BSN: variants seen among roughly 807,000 people sequenced by gnomAD.
BSN encodes the protein protein bassoon.
In BSN, 57 loss-of-function variants were observed where a neutral mutation model predicts 264.8. That is an observed-to-expected ratio of 0.22 (90% CI 0.17 to 0.27). The LOEUF (loss-of-function observed/expected upper bound fraction) is 0.27. Among genes scored for constraint, BSN ranks in the 10% least tolerant of loss-of-function variants. The pLI, the probability that BSN is intolerant of heterozygous loss-of-function variation, is 1.00. For synonymous variants in BSN, 2,059 were observed against 2,137.3 expected, an observed-to-expected ratio of 0.96 and a Z score of 1.01; for missense variants, 4,615 against 5,232.5, an observed-to-expected ratio of 0.88 and a Z score of 3.64.
rs1044422155 is a variant in BSN, at chr3:49,651,988, G to A, written c.2432G>A (p.Arg811Lys). The change falls in exon 5 of 12, where the codon AGG (arginine) becomes AAG (lysine). Residue 811 changes from arginine to lysine, a missense_variant. By Grantham distance (26) the Arg-to-Lys change is conservative (BLOSUM62 2). Transcript: ENST00000296452. This position sits in a 1 kb window ranked among gnomAD's most constrained non-coding sequence, Gnocchi z 5.4. ...TCAGACGACTTTGGCAGCCAATTGA[G>A]GCACGACTATGTGGAGGACAGCAGT... ...ESSDDFGSQL[R>K]HDYVEDSSEG... is the part of the protein sequence containing the mutation. The A allele has an allele frequency of 2.5e-6, 4 of 1,613,586 alleles. No individual in the cohort carries two copies. Among genetic ancestry groups the A allele is most frequent in the African/African-American group, 2.7e-5 (2 of 75,048 alleles).
intron 1 of BSN, among the ~76,000 whole-genome samples, chr3:49,614,091 G>T (rs546199964): frequency 1.6e-5 from 2 of 124,818 alleles, no homozygotes; most frequent in Non-Finnish European, 3.1e-5. Flanking sequence ...ACGGAGTCTC[G>T]CTCTGTCGCC....
chr3:49,648,247 A>G (rs1231352507), intron 3 of BSN, among the ~76,000 whole-genome samples: 1 of 152,238 alleles, frequency 6.6e-6, no homozygotes, highest in African/African-American at 2.4e-5. Flanking sequence ...TTCGCAGGCC[A>G]GAGATGGGGT....
chr3:49,649,701 A>G (rs1367268685), intron 3 of BSN, among the ~76,000 whole-genome samples: 1 of 152,202 alleles, frequency 6.6e-6, no homozygotes. Context: ...ATACTTGTAA[A>G]TGACCTGTTT....
chr3:49,566,890 G>A (rs2051756074), intron 1 of BSN, among the ~76,000 whole-genome samples: 1 of 148,040 alleles, frequency 6.8e-6, no homozygotes, highest in Admixed American at 6.8e-5. Context: ...GATGAATTTA[G>A]CATTCACTAA....
chr3:49,661,207 A>G lies in BSN; in HGVS notation c.9362A>G (p.Gln3121Arg). Residue 3121 changes from glutamine (Q) to arginine (R), a missense_variant, in exon 6 of 12, where the codon CAA becomes CGA. Gln to Arg is a conservative substitution (Grantham distance 43, BLOSUM62 1). Coordinates refer to ENST00000296452, the MANE Select transcript of BSN (RefSeq NM_003458.4). ...CGCCCCACAGGCCACTATGCAGGCC[A>G]AACACCCATGCCAACCACACAGAGC... ...AFRPTGHYAG[Q>R]TPMPTTQSTL... is the part of the protein sequence containing the mutation. 1 of 1,613,646 alleles carries G rather than the reference A, an allele frequency of 6.2e-7. No homozygotes were observed. Among genetic ancestry groups the G allele is most frequent in the Non-Finnish European group, 8.5e-7 (1 of 1,180,034 alleles).
At chr3:49,640,194 A>G (rs1420742581) in intron 2 of BSN, among the ~76,000 whole-genome samples, 4 of 152,236 alleles carry the variant, frequency 2.6e-5, no homozygotes, top group African/African-American at 9.6e-5. Flanking sequence ...GCTCTGGTTG[A>G]TGAGGAGGAG....
chr3:49,612,304 T>TTTC (rs1306874301), intron 1 of BSN, among the ~76,000 whole-genome samples: 1 of 152,114 alleles, frequency 6.6e-6, no homozygotes. Context: ...CCTGGCTAAT[T>TTTC]TTTTGTATTT....
chr3:49,628,611 A>G (rs890471089), intron 2 of BSN, among the ~76,000 whole-genome samples: 1 of 152,202 alleles, frequency 6.6e-6, no homozygotes, highest in African/African-American at 2.4e-5. Context: ...AGAGAGCAGG[A>G]GGCCTGCCCA....
intron 2 of BSN, among the ~76,000 whole-genome samples, chr3:49,629,299 T>C (rs1055632898): frequency 2.0e-5 from 3 of 152,230 alleles, no homozygotes; most frequent in African/African-American, 7.2e-5. Context: ...GTGACTTACA[T>C]GTGGGCCCGC....
intron 2 of BSN, among the ~76,000 whole-genome samples, chr3:49,629,274 C>T (rs1165870103): frequency 6.6e-6 from 1 of 152,238 alleles, no homozygotes; most frequent in Non-Finnish European, 1.5e-5. Context: ...TGCTAGTCCA[C>T]CTTTCCGTTC....
At position 49,661,777 on chromosome 3, in the gene BSN, A is replaced by G. The variant is rs1211472270; in HGVS notation, c.9932A>G (p.Asn3311Ser). The change falls in exon 6 of 12, where the codon AAT (asparagine) becomes AGT (serine). Residue 3311 changes from asparagine (N) to serine (S), a missense_variant. This residue lies in a region of BSN where 3,415 missense variants were observed against 3,866.4 expected (regional missense o/e 0.88). Transcript: ENST00000296452. ...GGCCACCTCCGGAGCATGGAGAGCA[A>G]TGGTCGACCAGCCAGTACCCACTAC... ...KGGHLRSMES[N>S]GRPASTHYYG... The G allele has an allele frequency of 1.2e-6, 2 of 1,613,318 alleles. No individual in the cohort carries two copies. Among genetic ancestry groups the G allele is most frequent in the Admixed American group, 1.7e-5 (1 of 60,026 alleles).
intron 1 of BSN, among the ~76,000 whole-genome samples, chr3:49,568,935 C>T (rs1372228548): frequency 1.3e-5 from 2 of 151,874 alleles, no homozygotes; most frequent in Non-Finnish European, 2.9e-5. Context: ...TGGTGGGGTG[C>T]GGGGTTTTGC....
intron 1 of BSN, among the ~76,000 whole-genome samples, chr3:49,586,229 A>G (rs1208523311): frequency 1.3e-5 from 2 of 152,130 alleles, no homozygotes; most frequent in African/African-American, 4.8e-5. Context: ...GAGGACTTAT[A>G]TTTAAGTCCT....
rs1442518989 is a variant in BSN at position 49,638,085 on chromosome 3, G to A, written c.634-4183G>A. Reference sequence around the variant, plus strand: ...ATCAGGATCTTGGAGGTATTAGACAGCAGAACCCTAGCTGAGGCTTCTTGT... The same window carrying A: ...ATCAGGATCTTGGAGGTATTAGACAACAGAACCCTAGCTGAGGCTTCTTGT... On this transcript the variant is annotated intron_variant, in intron 2 of 11. Coordinates refer to ENST00000296452, the MANE Select transcript of BSN (RefSeq NM_003458.4). This position sits in a 1 kb window ranked among gnomAD's most constrained non-coding sequence, Gnocchi z 4.3. Among the ~76,000 whole-genome samples the A allele has an allele frequency of 6.6e-6, 1 of 152,226 alleles. No individual in the cohort carries two copies.
chr3:49,578,882 A>C (rs1435047411), intron 1 of BSN, among the ~76,000 whole-genome samples: 1 of 152,018 alleles, frequency 6.6e-6, no homozygotes, highest in Non-Finnish European at 1.5e-5. Flanking sequence ...GAATCATGCA[A>C]TGTGTGTTTT....
intron 1 of BSN, among the ~76,000 whole-genome samples, chr3:49,575,640 A>G (rs2051840292): frequency 1.1e-5 from 1 of 89,382 alleles, no homozygotes. Flanking sequence ...ATATATGTAT[A>G]TATATGTGTG....
At chr3:49,556,977 G>A (rs2051677527) in intron 1 of BSN, among the ~76,000 whole-genome samples, 1 of 152,182 alleles carries the variant, frequency 6.6e-6, no homozygotes, top group Non-Finnish European at 1.5e-5. Flanking sequence ...AAATGCTATT[G>A]CCATATTACC....
Position 49,593,584 on chromosome 3 carries a change from A to G in BSN, c.225-31391A>G, listed in dbSNP as rs544015596. Among the ~76,000 whole-genome samples, 3 of 152,204 alleles carry G rather than the reference A, an allele frequency of 2.0e-5. No homozygotes were observed. The South Asian group carries it at 6.2e-4, about 32-fold the overall frequency. ...TGGTTGTTTTTTCATTTTAGTTATCATTATAGGTCTGTAGTGAATCCTGTT... is the reference window on the plus strand; with the variant it reads ...TGGTTGTTTTTTCATTTTAGTTATCGTTATAGGTCTGTAGTGAATCCTGTT... On this transcript the variant is annotated intron_variant, in intron 1 of 11. Transcript: ENST00000296452.
Position 49,623,075 on chromosome 3 carries a change from A to G in BSN, c.225-1900A>G, listed in dbSNP as rs147519814. ...CCTCAGAAGGGAGGAAGGATTGCAG[A>G]GTATCTTGGGGTGGGTGTCCCCAGG... On this transcript the variant is annotated intron_variant, in intron 1 of 11. Coordinates refer to ENST00000296452, the MANE Select transcript of BSN (RefSeq NM_003458.4). Among the ~76,000 whole-genome samples, 65 of 152,308 alleles carry G rather than the reference A, an allele frequency of 4.3e-4. 1 individual carries two copies. In the East Asian group the frequency reaches 0.012, roughly 29 times the overall value.
Sources: allele counts gnomAD v4.1 joint callset (sites outside exome capture counted in the v4.1 genomes callset), GRCh38; gene constraint gnomAD v4.1.1; regional missense constraint gnomAD v4.1.1; non-coding constraint Gnocchi (gnomAD v3.1); transcripts MANE v1.5; gene names NCBI Gene and HGNC (gene_info 2026-07-23, HGNC 2026-07-21).